CCDC7: variants seen among roughly 807,000 people sequenced by gnomAD.
The protein encoded by CCDC7 is coiled-coil domain-containing protein 7.
In CCDC7, 183 loss-of-function variants were observed where a neutral mutation model predicts 196.9. The observed-to-expected ratio is 0.93, with a 90% CI of 0.82 to 1.05. The LOEUF is 1.05. CCDC7 is among the 50% of genes least tolerant of loss of function. The probability of loss-of-function intolerance (pLI) is 0.00; values close to 1 mark genes in which losing one functional copy is unlikely to be tolerated. For synonymous variants in CCDC7, 525 were observed against 484.6 expected (o/e 1.08, Z -1.10); for missense variants, 1,540 against 1,482.2 (o/e 1.04, Z -0.64).
At chr10:32,588,084 G>A (rs2059456762) in intron 18 of CCDC7, among the ~76,000 whole-genome samples, 1 of 152,182 alleles carries the variant, frequency 6.6e-6, no homozygotes, top group African/African-American at 2.4e-5. Context: ...TCTTCGCCAT[G>A]TGATGCCCAG....
intron 21 of CCDC7, among the ~76,000 whole-genome samples, chr10:32,668,542 C>T (rs950820885): frequency 2.0e-5 from 3 of 152,048 alleles, no homozygotes; most frequent in South Asian, 2.1e-4. Flanking sequence ...GAGATATGTC[C>T]CATCAATACC....
intron 28 of CCDC7, among the ~76,000 whole-genome samples, chr10:32,744,852 T>A (rs574485364): frequency 1.3e-5 from 2 of 152,206 alleles, no homozygotes; most frequent in African/African-American, 4.8e-5. Flanking sequence ...TCTTCTTTGT[T>A]GTTGATTGTC....
intron 13 of CCDC7, among the ~76,000 whole-genome samples, chr10:32,549,418 T>C (rs1313253098): frequency 6.6e-6 from 1 of 152,206 alleles, no homozygotes; most frequent in Non-Finnish European, 1.5e-5. Context: ...TTTAGTTTAA[T>C]TAGGTCCCAG....
chr10:32,620,131 C>T (rs2063244083), intron 18 of CCDC7, among the ~76,000 whole-genome samples: 1 of 151,930 alleles, frequency 6.6e-6, no homozygotes, highest in Admixed American at 6.6e-5. Flanking sequence ...CCATGTTGGC[C>T]AGGCTGGTCT....
At chr10:32,532,257 A>G (rs2049796460) in intron 11 of CCDC7, among the ~76,000 whole-genome samples, 1 of 152,112 alleles carries the variant, frequency 6.6e-6, no homozygotes, top group East Asian at 1.9e-4. Context: ...TGTTTGAAGA[A>G]ATTTTTAAGT....
intron 21 of CCDC7, among the ~76,000 whole-genome samples, chr10:32,684,413 C>T (rs760796217): frequency 7.2e-5 from 11 of 152,170 alleles, no homozygotes. Context: ...CCTAGGTTTG[C>T]AAAGGTTCAT....
chr10:32,779,992 C>T (rs2080783777), intron 29 of CCDC7, among the ~76,000 whole-genome samples: 1 of 152,190 alleles, frequency 6.6e-6, no homozygotes, highest in African/African-American at 2.4e-5. Context: ...GTAATCCAAG[C>T]ACTTCGGGAG....
At chr10:32,519,911 A>G (rs2047624601) in intron 11 of CCDC7, among the ~76,000 whole-genome samples, 2 of 151,942 alleles carry the variant, frequency 1.3e-5, no homozygotes, top group Non-Finnish European at 2.9e-5. Context: ...TCTATTCTCT[A>G]TCTCCATGAG....
rs2133934444 is a variant in CCDC7, at chr10:32,472,561, T to C, written c.739+19T>C. On this transcript the variant is annotated intron_variant, in intron 7 of 41. Transcript: ENST00000639629. ...ATTGAAGGTGATAATATTTTATATA[T>C]GTTTATCCTTAAAAATTTTATTAAA... 6.6e-7 allele frequency: 1 copy of C among 1,505,534 alleles called. No homozygotes were observed. Among genetic ancestry groups the C allele is most frequent in the Non-Finnish European group, 8.8e-7 (1 of 1,130,616 alleles). 93.3% of individuals were successfully genotyped at this position (1,505,534 alleles called of 1,614,324 possible).
At chr10:32,573,040 G>A (rs142313207) in intron 16 of CCDC7, among the ~76,000 whole-genome samples, 73 of 152,122 alleles carry the variant, frequency 4.8e-4, no homozygotes, top group Non-Finnish European at 6.9e-4. Context: ...ACCATGCCCG[G>A]CTAATTTTTA....
chr10:32,874,027 T>G (rs1280652806), intron 41 of CCDC7, among the ~76,000 whole-genome samples: 4 of 151,568 alleles, frequency 2.6e-5, no homozygotes, highest in Non-Finnish European at 4.4e-5. Flanking sequence ...TAAAATCACT[T>G]TTCCTTCACC....
At chr10:32,847,941 A>G (rs2093377044) in intron 38 of CCDC7, 25 bp downstream of exon 39, 1 of 1,417,346 alleles carries the variant, frequency 7.1e-7, no homozygotes, top group Admixed American at 1.8e-5. Context: ...TTTAAGTCTA[A>G]TATTTACAGT....
chr10:32,507,940 C>T (rs916555675), intron 9 of CCDC7, among the ~76,000 whole-genome samples: 1 of 152,054 alleles, frequency 6.6e-6, no homozygotes. Flanking sequence ...TAGTTGAAGA[C>T]TTTTTCTCTA....
intron 18 of CCDC7, among the ~76,000 whole-genome samples, chr10:32,591,102 G>A (rs541729678): frequency 6.0e-4 from 91 of 151,980 alleles, no homozygotes; most frequent in African/African-American, 1.9e-3. Flanking sequence ...TCCTCTCTGA[G>A]GCCAGTAACT....
intron 41 of CCDC7, among the ~76,000 whole-genome samples, chr10:32,854,812 A>G (rs964257274): frequency 6.6e-6 from 1 of 152,198 alleles, no homozygotes; most frequent in Non-Finnish European, 1.5e-5. Context: ...AATTTATTCA[A>G]CGATTCCTCT....
At chr10:32,833,182 A>G (rs1056537364) in intron 32 of CCDC7, among the ~76,000 whole-genome samples, 1 of 152,064 alleles carries the variant, frequency 6.6e-6, no homozygotes, top group African/African-American at 2.4e-5. Flanking sequence ...AGGAAGAGGG[A>G]ATAGAAAATA....
intron 29 of CCDC7, among the ~76,000 whole-genome samples, chr10:32,798,650 G>A (rs2084128018): frequency 6.6e-6 from 1 of 152,154 alleles, no homozygotes; most frequent in Non-Finnish European, 1.5e-5. Flanking sequence ...GACCATCCAG[G>A]CAAACTATTG....
At chr10:32,714,786 C>T (rs77892344) in intron 25 of CCDC7, among the ~76,000 whole-genome samples, 2 of 152,230 alleles carry the variant, frequency 1.3e-5, no homozygotes, top group African/African-American at 4.8e-5. Context: ...CTGGGAAGTT[C>T]GAATTCGGTG....
chr10:32,643,692 G>A (rs1187564281), intron 20 of CCDC7, among the ~76,000 whole-genome samples: 2 of 151,446 alleles, frequency 1.3e-5, no homozygotes, highest in South Asian at 2.1e-4. Flanking sequence ...TAATACTCTT[G>A]GAAAAATAAA....
Sources: gnomAD v4.1 joint callset for allele counts (sites outside exome capture counted in the v4.1 genomes callset) on GRCh38, gnomAD v4.1.1 for gene constraint, MANE v1.5 for transcripts, NCBI Gene and HGNC (gene_info 2026-07-23, HGNC 2026-07-21) for gene names.